Variants in FHL5 observed in about 807,000 individuals in gnomAD.
FHL5 encodes four and a half LIM domains 5, also known as four and a half LIM domains protein 5.
FHL5 carries 33 observed loss-of-function variants against 32.0 expected under a neutral mutation model. That is an observed-to-expected ratio of 1.03 (90% CI 0.78 to 1.38). FHL5 has a LOEUF of 1.38. Ranked by LOEUF, FHL5 falls within the 40% of genes most tolerant of loss-of-function variation. The probability of loss-of-function intolerance (pLI) is 0.00; values close to 1 mark genes in which losing one functional copy is unlikely to be tolerated. For missense variants in FHL5, 336 were observed against 343.9 expected, an observed-to-expected ratio of 0.98 and a Z score of 0.18; for synonymous variants, 114 against 113.6, an observed-to-expected ratio of 1.00 and a Z score of -0.02.
At chr6:96,569,663 C>T (rs1770432858) in intron 1 of FHL5, among the ~76,000 whole-genome samples, 1 of 151,730 alleles carries the variant, frequency 6.6e-6, no homozygotes, top group Admixed American at 6.6e-5. Context: ...GTGAAAATAA[C>T]CTTGTCTCTT....
chr6:96,564,027 T>A (rs950009155), intron 1 of FHL5, among the ~76,000 whole-genome samples: 9 of 152,216 alleles, frequency 5.9e-5, no homozygotes, highest in African/African-American at 1.2e-4. Flanking sequence ...ACATCCCATA[T>A]GTGTTAATGC....
In FHL5 at chr6:96,603,084, T is replaced by C. The variant is rs139994750; in HGVS notation, c.-12-518T>C. Among the ~76,000 whole-genome samples, 3 of 152,282 alleles carry C rather than the reference T, an allele frequency of 2.0e-5. No homozygotes were observed. The East Asian group carries it at 5.8e-4, about 29-fold the overall frequency. On this transcript the variant is annotated intron_variant, in intron 1 of 5. Coordinates refer to ENST00000450218, the MANE Select transcript of FHL5 (RefSeq NM_001322466.2). ...TCAGGGTAAATGTGCAGAGCCCTTATTAGGTATTCAGTAAAGACTTGAGGA... is the reference window on the plus strand; with the variant it reads ...TCAGGGTAAATGTGCAGAGCCCTTACTAGGTATTCAGTAAAGACTTGAGGA...
At chr6:96,611,633 G>T (rs1771410619) in intron 5 of FHL5, among the ~76,000 whole-genome samples, 1 of 152,088 alleles carries the variant, frequency 6.6e-6, no homozygotes, top group Admixed American at 6.5e-5. Context: ...ATTTTTAGTT[G>T]TTCATATACC....
intron 5 of FHL5, among the ~76,000 whole-genome samples, chr6:96,611,893 A>C (rs9486715): frequency 0.36 from 54,674 of 152,068 alleles, 10,025 homozygotes; most frequent in Middle Eastern, 0.44. Context: ...TACATCTGGC[A>C]AGCAGGCTGT....
chr6:96,581,637 CA>C (rs1770698864), intron 1 of FHL5, among the ~76,000 whole-genome samples: 1 of 152,092 alleles, frequency 6.6e-6, no homozygotes, highest in Admixed American at 6.6e-5. Flanking sequence ...ACTTCCCCAT[CA>C]AATGGCAAGT....
At chr6:96,602,717 A>C (rs1294867191) in intron 1 of FHL5, among the ~76,000 whole-genome samples, 2 of 152,128 alleles carry the variant, frequency 1.3e-5, no homozygotes, top group Non-Finnish European at 2.9e-5. Flanking sequence ...TTGCAGATGA[A>C]TTCTAGCTAT....
intron 1 of FHL5, among the ~76,000 whole-genome samples, chr6:96,588,576 T>C (rs1770848799): frequency 6.6e-6 from 1 of 152,166 alleles, no homozygotes; most frequent in South Asian, 2.1e-4. Flanking sequence ...ATAAATGCAG[T>C]TCATTTTGGT....
intron 1 of FHL5, among the ~76,000 whole-genome samples, chr6:96,569,425 C>CT (rs1554171156): frequency 1.3e-5 from 2 of 151,966 alleles, no homozygotes; most frequent in Non-Finnish European, 2.9e-5. Flanking sequence ...ATGAAATGTT[C>CT]TGTAAATGTC....
chr6:96,596,313 T>G (rs1204907890), intron 1 of FHL5, among the ~76,000 whole-genome samples: 1 of 152,094 alleles, frequency 6.6e-6, no homozygotes, highest in East Asian at 1.9e-4. Flanking sequence ...ATTTTGTTCG[T>G]TTTTTATTCC....
intron 2 of FHL5, 40 bp downstream of exon 2, chr6:96,603,812 C>G (rs113497082): frequency 1.9e-6 from 3 of 1,546,936 alleles, no homozygotes; most frequent in Non-Finnish European, 1.8e-6. Context: ...TGCCTATGAA[C>G]AGCAAACAAG....
At chr6:96,580,928 T>C (rs1043546228) in intron 1 of FHL5, among the ~76,000 whole-genome samples, 2 of 152,164 alleles carry the variant, frequency 1.3e-5, no homozygotes, top group African/African-American at 4.8e-5. Flanking sequence ...ACACTCTTCA[T>C]TTTACTGGAC....
intron 1 of FHL5, among the ~76,000 whole-genome samples, chr6:96,567,784 G>T: frequency 7.7e-6 from 1 of 130,002 alleles, no homozygotes; most frequent in African/African-American, 2.8e-5. Flanking sequence ...TTTTCCACTA[G>T]TTTGTTTTTG....
chr6:96,567,681 T>A (rs1021907240), intron 1 of FHL5, among the ~76,000 whole-genome samples: 1 of 151,790 alleles, frequency 6.6e-6, no homozygotes, highest in Admixed American at 6.6e-5. Context: ...GTTTTGCAGT[T>A]TTTATTGTAG....
chr6:96,580,053 A>T (rs1770666972), intron 1 of FHL5, among the ~76,000 whole-genome samples: 1 of 152,204 alleles, frequency 6.6e-6, no homozygotes, highest in South Asian at 2.1e-4. Context: ...CACCAGTTCA[A>T]AGGAAAAGAA....
rs1177435093 is a variant in FHL5 at position 96,618,139 on chromosome 6, C to T, written c.*2367C>T. 6.6e-6 allele frequency among the ~76,000 whole-genome samples: 1 copy of T among 152,100 alleles called. No individual in the cohort carries two copies. Among genetic ancestry groups the T allele is most frequent in the Non-Finnish European group, 1.5e-5 (1 of 68,014 alleles). On this transcript the variant is annotated 3_prime_UTR_variant, in exon 6 of 6. Coordinates refer to ENST00000450218, the MANE Select transcript of FHL5 (RefSeq NM_001322466.2). ...AGAAAAAGACCTCCTTAGGTCTTTG[C>T]GTAACACACACAAAGATAAATGTAA...
intron 2 of FHL5, 44 bp downstream of exon 2, chr6:96,603,816 A>T: frequency 6.6e-7 from 1 of 1,525,206 alleles, no homozygotes. Flanking sequence ...TATGAACAGC[A>T]AACAAGTGGG....
At position 96,596,928 on chromosome 6, in the gene FHL5, ACT is replaced by A. The variant is rs146109364; in HGVS notation, c.-12-6660_-12-6659del. Among the ~76,000 whole-genome samples, 159 of 148,632 alleles carry A rather than the reference ACT, an allele frequency of 1.1e-3. 2 individuals are homozygous for A. In the East Asian group the frequency reaches 0.022, roughly 21 times the overall value. On this transcript the variant is annotated intron_variant, in intron 1 of 5. Coordinates refer to ENST00000450218, the MANE Select transcript of FHL5 (RefSeq NM_001322466.2). ...GAACCGTATATGAAATTTCAGAATGACTCTCTCTCTCTCTCCCAGATGCATTC... is the reference window on the plus strand; with the variant it reads ...GAACCGTATATGAAATTTCAGAATGACTCTCTCTCTCTCCCAGATGCATTC...
chr6:96,581,792 C>T (rs1381635165), intron 1 of FHL5, among the ~76,000 whole-genome samples: 1 of 152,088 alleles, frequency 6.6e-6, no homozygotes, highest in Non-Finnish European at 1.5e-5. Flanking sequence ...TTTAAAAACC[C>T]TGGCACAATT....
At chr6:96,582,007 A>G (rs974212322) in intron 1 of FHL5, among the ~76,000 whole-genome samples, 9 of 152,204 alleles carry the variant, frequency 5.9e-5, no homozygotes, top group African/African-American at 1.9e-4. Flanking sequence ...ATACTTTTAG[A>G]TAAATTGTAT....
Sources: allele counts gnomAD v4.1 joint callset (sites outside exome capture counted in the v4.1 genomes callset), GRCh38; gene constraint gnomAD v4.1.1; transcripts MANE v1.5; gene names NCBI Gene and HGNC (gene_info 2026-07-23, HGNC 2026-07-21).